Variants in PBX4 observed in about 807,000 individuals in gnomAD.
PBX4 encodes the protein PBX homeobox 4.
In PBX4, 26 loss-of-function variants were observed where a neutral mutation model predicts 35.1. The ratio of observed to expected loss-of-function variants is 0.74; its 90% confidence interval spans 0.54 to 1.03. PBX4 has a LOEUF of 1.03. Among genes scored for constraint, PBX4 ranks in the 50% least tolerant of loss-of-function variants. The pLI is 0.00. For synonymous variants in PBX4, 199 were observed against 204.2 expected (o/e 0.97, Z 0.22); for missense variants, 448 against 504.3 (o/e 0.89, Z 1.07).
intron 1 of PBX4, 62 bp from the exon 2 acceptor site, chr19:19,599,427 G>T: frequency 7.1e-7 from 1 of 1,410,516 alleles, no homozygotes; most frequent in Non-Finnish European, 1.0e-6. Context: ...GTCCCCAAGA[G>T]TAAAGATCTT....
chr19:19,578,292 C>T (rs1040434025), intron 2 of PBX4, among the ~76,000 whole-genome samples: 1 of 152,150 alleles, frequency 6.6e-6, no homozygotes, highest in African/African-American at 2.4e-5. Context: ...TGGTCACCAC[C>T]ATCAGTCCAT....
chr19:19,614,729 C>A (rs544717482), intron 1 of PBX4, among the ~76,000 whole-genome samples: 2 of 152,006 alleles, frequency 1.3e-5, no homozygotes, highest in South Asian at 4.2e-4. Flanking sequence ...AAACAAAAAA[C>A]CACAATGAAA....
At chr19:19,595,703 C>T (rs1249597235) in intron 2 of PBX4, among the ~76,000 whole-genome samples, 1 of 138,568 alleles carries the variant, frequency 7.2e-6, no homozygotes, top group East Asian at 2.1e-4. Context: ...TGGAGACCAA[C>T]AGGGGGCATA....
At chr19:19,578,279 C>G (rs944790964) in intron 2 of PBX4, among the ~76,000 whole-genome samples, 3 of 152,148 alleles carry the variant, frequency 2.0e-5, no homozygotes, top group African/African-American at 7.2e-5. Flanking sequence ...AAACGCTGTG[C>G]CTTGGTCACC....
chr19:19,575,859 G>T (rs1328333294), intron 2 of PBX4, among the ~76,000 whole-genome samples: 1 of 152,146 alleles, frequency 6.6e-6, no homozygotes, highest in Non-Finnish European at 1.5e-5. Context: ...TCGCGGCCAG[G>T]TGTCATGTGT....
intron 2 of PBX4, among the ~76,000 whole-genome samples, chr19:19,582,886 G>A (rs183387136): frequency 1.8e-4 from 28 of 152,354 alleles, no homozygotes; most frequent in Non-Finnish European, 3.7e-4. Context: ...TCCCCCTTAG[G>A]GGTTTGAGCT....
At chr19:19,573,253 C>T (rs1344318175) in intron 2 of PBX4, among the ~76,000 whole-genome samples, 8 of 150,362 alleles carry the variant, frequency 5.3e-5, no homozygotes, top group African/African-American at 1.7e-4. Flanking sequence ...TGCGGTGAGC[C>T]GAGATCACGC....
intron 1 of PBX4, among the ~76,000 whole-genome samples, chr19:19,599,745 G>A (rs1351865764): frequency 1.3e-5 from 2 of 152,178 alleles, no homozygotes; most frequent in Non-Finnish European, 2.9e-5. Context: ...GGCCAAGGCA[G>A]GCGGATTGCC....
intron 1 of PBX4, among the ~76,000 whole-genome samples, chr19:19,615,041 T>G (rs886969246): frequency 3.3e-5 from 5 of 151,668 alleles, no homozygotes; most frequent in Non-Finnish European, 7.4e-5. Flanking sequence ...GGCACACGCC[T>G]GTAATCCCAG....
chr19:19,577,871 TA>T (rs1000251754), intron 2 of PBX4, among the ~76,000 whole-genome samples: 8 of 134,702 alleles, frequency 5.9e-5, no homozygotes, highest in African/African-American at 8.4e-5. Context: ...AAATAATAAT[TA>T]AAAAAAAAAG....
At chr19:19,567,397 G>T (rs1423087829) in intron 5 of PBX4, among the ~76,000 whole-genome samples, 4 of 152,200 alleles carry the variant, frequency 2.6e-5, no homozygotes, top group Non-Finnish European at 5.9e-5. Context: ...ACAGAGACTT[G>T]ACTGGACTTA....
At chr19:19,586,543 C>G (rs2061490238) in intron 2 of PBX4, among the ~76,000 whole-genome samples, 1 of 152,030 alleles carries the variant, frequency 6.6e-6, no homozygotes, top group Admixed American at 6.6e-5. Context: ...CAGCAAAACA[C>G]TGTAATATAT....
At chr19:19,588,267 G>C in intron 2 of PBX4, 1 of 1,241,496 alleles carries the variant, frequency 8.1e-7, no homozygotes, top group Non-Finnish European at 1.2e-6. Flanking sequence ...AAGATCCATA[G>C]TTACATTCAT....
At chr19:19,610,414 G>A (rs1282097101) in intron 1 of PBX4, among the ~76,000 whole-genome samples, 3 of 150,446 alleles carry the variant, frequency 2.0e-5, no homozygotes, top group East Asian at 2.0e-4. Context: ...ACTCCATCTC[G>A]AAAACAATAA....
Position 19,561,948 on chromosome 19 carries a change from G to C in PBX4, c.*77C>G, listed in dbSNP as rs571531014. 6 of 1,307,872 alleles carry C rather than the reference G, an allele frequency of 4.6e-6. No individual in the cohort carries two copies. Among genetic ancestry groups the C allele is most frequent in the African/African-American group, 3.0e-5 (2 of 67,494 alleles). 81.0% of individuals were successfully genotyped at this position (1,307,872 alleles called of 1,614,324 possible). A position where few individuals can be genotyped will look rare whatever the true frequency, so the allele number is the denominator to read the frequency against. Reference sequence around the variant, plus strand: ...ATCTGGGTTTTCTGAGGTCGTCGGCGGCACGTTCAGTAACAAAGCAACGGC... The same window carrying C: ...ATCTGGGTTTTCTGAGGTCGTCGGCCGCACGTTCAGTAACAAAGCAACGGC... On this transcript the variant is annotated 3_prime_UTR_variant, in exon 8 of 8. Coordinates refer to ENST00000251203, the MANE Select transcript of PBX4 (RefSeq NM_025245.3).
At chr19:19,582,712 G>A (rs1464551965) in intron 2 of PBX4, among the ~76,000 whole-genome samples, 1 of 152,156 alleles carries the variant, frequency 6.6e-6, no homozygotes, top group Non-Finnish European at 1.5e-5. Flanking sequence ...GGGTCTAACT[G>A]AGCTGATTAA....
intron 5 of PBX4, among the ~76,000 whole-genome samples, chr19:19,565,329 A>T (rs1282041304): frequency 1.4e-4 from 21 of 152,182 alleles, no homozygotes; most frequent in Admixed American, 1.4e-3. Context: ...TGCTGCCTAA[A>T]ACTGGATGTT....
intron 2 of PBX4, among the ~76,000 whole-genome samples, chr19:19,598,323 G>A (rs1037625005): frequency 1.9e-4 from 25 of 128,892 alleles, no homozygotes; most frequent in African/African-American, 7.5e-4. Context: ...TTGAGACGGA[G>A]TCTTACTCTT....
rs1317278581 is a variant in PBX4 at position 19,578,095 on chromosome 19, C to T, written c.194-7262G>A. 4.1e-5 allele frequency among the ~76,000 whole-genome samples: 6 copies of T among 145,808 alleles called. 1 individual carries two copies. The East Asian group carries it at 1.0e-3, about 24-fold the overall frequency. On this transcript the variant is annotated intron_variant, in intron 2 of 7. Transcript: ENST00000251203. ...ATCTCAGCTACTTGGGAGGCTGAGG[C>T]AGGAGATCTGCCTGAACCCAGGAGG...
Sources: allele counts gnomAD v4.1 joint callset (sites outside exome capture counted in the v4.1 genomes callset), GRCh38; gene constraint gnomAD v4.1.1; transcripts MANE v1.5; gene names NCBI Gene and HGNC (gene_info 2026-07-23, HGNC 2026-07-21).